LDLRAP1: variants seen among roughly 807,000 people sequenced by gnomAD.
LDLRAP1 encodes the protein low density lipoprotein receptor adaptor protein 1.
In LDLRAP1, 30 loss-of-function variants were observed where a neutral mutation model predicts 37.8. The observed-to-expected ratio is 0.79, with a 90% CI of 0.59 to 1.08. The LOEUF (loss-of-function observed/expected upper bound fraction) is 1.08, where lower values mean the gene tolerates loss of function less well. Ranked by LOEUF, LDLRAP1 falls within the 50% of genes least tolerant of loss-of-function variation. The pLI is 0.00. For missense variants in LDLRAP1, 375 were observed against 401.6 expected (o/e 0.93, Z 0.57); for synonymous variants, 156 against 169.8 (o/e 0.92, Z 0.63).
the LDLRAP1 span, among the ~76,000 whole-genome samples, chr1:25,574,662 T>G: frequency 6.6e-6 from 1 of 152,168 alleles, no homozygotes; most frequent in Admixed American, 6.5e-5. Context: ...TCTTGGTCCC[T>G]GCCAGCCGAG....
intron 3 of LDLRAP1, among the ~76,000 whole-genome samples, chr1:25,556,029 A>G (rs981689774): frequency 6.6e-6 from 1 of 152,138 alleles, no homozygotes; most frequent in African/African-American, 2.4e-5. Context: ...TGTTGTTACC[A>G]AGGACCCAGT....
At chr1:25,561,776 C>G (rs559038012) in intron 4 of LDLRAP1, among the ~76,000 whole-genome samples, 71 of 152,338 alleles carry the variant, frequency 4.7e-4, no homozygotes, top group African/African-American at 1.6e-3. Flanking sequence ...TTGTTGCCAC[C>G]TCTGGGAGGC....
chr1:25,577,039 G>A, the LDLRAP1 span, among the ~76,000 whole-genome samples: 35 of 152,300 alleles, frequency 2.3e-4, no homozygotes, highest in African/African-American at 7.0e-4. Flanking sequence ...TCCTGCGAGC[G>A]TGGCAGTCGG....
At chr1:25,569,945 T>C (rs1482480850), downstream of LDLRAP1, among the ~76,000 whole-genome samples, 1 of 152,226 alleles carries the variant, frequency 6.6e-6, no homozygotes, top group Admixed American at 6.5e-5. Context: ...AGACCACCTG[T>C]TGACCTGTGC....
At chr1:25,562,793 C>A in intron 5 of LDLRAP1, 77 bp downstream of exon 5, 1 of 1,289,252 alleles carries the variant, frequency 7.8e-7, no homozygotes, top group African/African-American at 1.5e-5. Flanking sequence ...AGACCTGGAC[C>A]GACTTCCTGC....
intron 1 of LDLRAP1, among the ~76,000 whole-genome samples, chr1:25,548,692 G>C (rs1239770769): frequency 6.6e-6 from 1 of 151,178 alleles, no homozygotes; most frequent in Non-Finnish European, 1.5e-5. Context: ...TTATTTATTT[G>C]AGACAAGGTC....
intron 1 of LDLRAP1, among the ~76,000 whole-genome samples, chr1:25,546,522 A>G (rs779239749): frequency 5.3e-5 from 8 of 152,130 alleles, no homozygotes; most frequent in Non-Finnish European, 1.0e-4. Context: ...CTGGGGAGAC[A>G]TCAATATTTT....
intron 1 of LDLRAP1, 94 bp from the exon 2 acceptor site, chr1:25,553,828 G>T: frequency 6.7e-7 from 1 of 1,483,454 alleles, no homozygotes; most frequent in Non-Finnish European, 9.2e-7. Flanking sequence ...CATCCCCCTT[G>T]CTGGGGTTTC....
At chr1:25,556,336 G>A (rs1435582428) in intron 3 of LDLRAP1, among the ~76,000 whole-genome samples, 4 of 152,150 alleles carry the variant, frequency 2.6e-5, no homozygotes, top group African/African-American at 7.2e-5. Flanking sequence ...GGCTCGGGTG[G>A]CCCCTAGGTT....
At chr1:25,549,757 C>T (rs748528256) in intron 1 of LDLRAP1, among the ~76,000 whole-genome samples, 3 of 145,866 alleles carry the variant, frequency 2.1e-5, no homozygotes, top group South Asian at 2.1e-4. Context: ...GGGCGGGTGG[C>T]GGGTGTGGCC....
the LDLRAP1 span, among the ~76,000 whole-genome samples, chr1:25,578,304 G>A: frequency 2.6e-5 from 4 of 152,188 alleles, no homozygotes; most frequent in Admixed American, 2.6e-4. Context: ...CCCTCAAGCA[G>A]CCCTCCAGAG....
chr1:25,582,104 C>T, the LDLRAP1 span, among the ~76,000 whole-genome samples: 1 of 152,182 alleles, frequency 6.6e-6, no homozygotes, highest in African/African-American at 2.4e-5. Context: ...TTGTGCAGCC[C>T]TGGGCAGTGC....
chr1:25,562,361 C>T (rs1357602568), intron 4 of LDLRAP1, among the ~76,000 whole-genome samples: 5 of 152,190 alleles, frequency 3.3e-5, no homozygotes, highest in African/African-American at 9.6e-5. Flanking sequence ...GGCAGGGGCC[C>T]TAGAGTGAGA....
the LDLRAP1 span, among the ~76,000 whole-genome samples, chr1:25,577,060 A>G: frequency 6.6e-6 from 1 of 152,178 alleles, no homozygotes; most frequent in African/African-American, 2.4e-5. Context: ...TCCTAGCCCC[A>G]CTTAGTCACC....
At chr1:25,552,733 C>T (rs538596443) in intron 1 of LDLRAP1, among the ~76,000 whole-genome samples, 66 of 152,184 alleles carry the variant, frequency 4.3e-4, no homozygotes, top group Non-Finnish European at 6.6e-4. Flanking sequence ...CCTGCTTTTG[C>T]CCTCATGCCC....
chr1:25,563,716 C>T lies in LDLRAP1; in HGVS notation c.672C>T (p.Ser224=), dbSNP rs41291054. Reference sequence around the variant, plus strand: ...AGGAGACAGCTAAGGCCCCGCTGTCCACGGTCAGCGCCAACACCACCAACA... The same window carrying T: ...AGGAGACAGCTAAGGCCCCGCTGTCTACGGTCAGCGCCAACACCACCAACA... ...DLEETAKAPL[S]TVSANTTNMD... Residue 224 remains serine, a synonymous_variant, in exon 7 of 9, where the codon TCC becomes TCT. Coordinates refer to ENST00000374338, the MANE Select transcript of LDLRAP1 (RefSeq NM_015627.3). 4,718 of 1,613,996 alleles carry T rather than the reference C, an allele frequency of 2.9e-3. 11 individuals carry two copies. Among genetic ancestry groups the T allele is most frequent in the Non-Finnish European group, 3.7e-3 (4,367 of 1,180,032 alleles).
intron 4 of LDLRAP1, among the ~76,000 whole-genome samples, chr1:25,562,442 TG>T (rs773934004): frequency 6.1e-4 from 93 of 152,354 alleles, no homozygotes; most frequent in Middle Eastern, 3.4e-3. Context: ...TATGGCCTTA[TG>T]ACACCCCAGG....
Position 25,563,127 on chromosome 1 carries a change from A to G in LDLRAP1, c.590A>G (p.Gln197Arg). The change falls in exon 6 of 9, where the codon CAA (glutamine) becomes CGA (arginine). Residue 197 changes from glutamine (Q) to arginine (R), a missense_variant. By Grantham distance (43) the Gln-to-Arg change is conservative (BLOSUM62 1). Coordinates refer to ENST00000374338, the MANE Select transcript of LDLRAP1 (RefSeq NM_015627.3). ...GGAGGGGACGTCCTGGGGGCCCGCC[A>G]AGACTGCACCCCCTCCTTGAAGAGC... ...QEGGDVLGARQDCTPSLKSLV... is the reference protein window; with the variant it reads ...QEGGDVLGARRDCTPSLKSLV... The G allele has an allele frequency of 6.2e-7, 1 of 1,613,972 alleles. No individual in the cohort carries two copies. The highest frequency in any genetic ancestry group is 8.5e-7 in the Non-Finnish European group (1 of 1,179,960).
intron 4 of LDLRAP1, chr1:25,557,520 C>A: frequency 1.8e-6 from 1 of 560,408 alleles, no homozygotes; most frequent in South Asian, 2.1e-5. Flanking sequence ...GTGTCTGGGC[C>A]TGTTCTCTCT....
Sources: gnomAD v4.1 joint callset for allele counts (sites outside exome capture counted in the v4.1 genomes callset) on GRCh38, gnomAD v4.1.1 for gene constraint, MANE v1.5 for transcripts, NCBI Gene and HGNC (gene_info 2026-07-23, HGNC 2026-07-21) for gene names.